Variants in ACSS2 observed in about 807,000 individuals in gnomAD.
ACSS2 encodes acetyl-coenzyme A synthetase, cytoplasmic.
ACSS2 carries 58 observed loss-of-function variants against 90.6 expected under a neutral mutation model. The observed-to-expected ratio is 0.64, with a 90% CI of 0.52 to 0.80. ACSS2 has a LOEUF of 0.80. Ranked by LOEUF, ACSS2 falls within the 30% of genes least tolerant of loss-of-function variation. ACSS2 has a pLI of 0.00. For synonymous variants in ACSS2, 300 were observed against 330.9 expected (o/e 0.91, Z 1.01); for missense variants, 759 against 912.0 (o/e 0.83, Z 2.16).
chr20:34,918,428 A>G (rs1277059048), intron 7 of ACSS2, among the ~76,000 whole-genome samples: 1 of 152,214 alleles, frequency 6.6e-6, no homozygotes, highest in South Asian at 2.1e-4. Context: ...CAGAAAAGTA[A>G]AACAGTTTCA....
intron 4 of ACSS2, 51 bp from the exon 5 acceptor site, chr20:34,913,702 C>T (rs2081014984): frequency 6.4e-7 from 1 of 1,556,878 alleles, no homozygotes; most frequent in Admixed American, 1.7e-5. Flanking sequence ...TCTTCATTCA[C>T]TCAATCCCTG....
chr20:34,890,126 A>AT (rs893190805), intron 2 of ACSS2, among the ~76,000 whole-genome samples: 2 of 152,098 alleles, frequency 1.3e-5, no homozygotes, highest in African/African-American at 4.8e-5. Context: ...TGTATTAGCT[A>AT]TTTTTTTCAT....
At chr20:34,904,925 T>C (rs1030444811) in intron 2 of ACSS2, among the ~76,000 whole-genome samples, 2 of 150,138 alleles carry the variant, frequency 1.3e-5, no homozygotes, top group Admixed American at 1.3e-4. Context: ...TTTTTTTTTT[T>C]TTGGTAGGCA....
intron 2 of ACSS2, among the ~76,000 whole-genome samples, chr20:34,897,462 A>G (rs1264268270): frequency 6.6e-6 from 1 of 152,174 alleles, no homozygotes; most frequent in Non-Finnish European, 1.5e-5. Flanking sequence ...GAATCATATA[A>G]CACGTGGCCC....
chr20:34,920,904 G>C, intron 9 of ACSS2, 102 bp from the exon 10 acceptor site: 2 of 1,554,934 alleles, frequency 1.3e-6, no homozygotes, highest in East Asian at 2.3e-5. Context: ...GTGAAGATAT[G>C]GTTGGTCAGA....
At chr20:34,908,991 TGTTA>T (rs2080880396) in intron 2 of ACSS2, 2 of 427,154 alleles carry the variant, frequency 4.7e-6, no homozygotes, top group Non-Finnish European at 9.1e-6. Flanking sequence ...AGCATTTATT[TGTTA>T]AATAAATTAC....
At chr20:34,904,870 C>T (rs1225756475) in intron 2 of ACSS2, among the ~76,000 whole-genome samples, 1 of 143,098 alleles carries the variant, frequency 7.0e-6, no homozygotes, top group Non-Finnish European at 1.5e-5. Context: ...CTAAATTTCT[C>T]ATTAATAGTT....
intron 14 of ACSS2, 33 bp from the exon 15 acceptor site, chr20:34,925,665 T>C: frequency 1.9e-6 from 3 of 1,600,492 alleles, no homozygotes; most frequent in Non-Finnish European, 2.6e-6. Context: ...TACCGTAGGG[T>C]TTTTATTTAT....
At chr20:34,925,956 G>A in intron 15 of ACSS2, 149 bp from the exon 16 acceptor site, 1 of 1,006,192 alleles carries the variant, frequency 9.9e-7, no homozygotes, top group East Asian at 2.6e-5. Context: ...GAACTTGGAT[G>A]GTGGGGTGAC....
intron 2 of ACSS2, among the ~76,000 whole-genome samples, chr20:34,900,526 G>A (rs2080631504): frequency 6.6e-6 from 1 of 152,052 alleles, no homozygotes; most frequent in Admixed American, 6.6e-5. Flanking sequence ...CCCTCAATAG[G>A]TGAGGAATCA....
At chr20:34,892,224 T>C (rs546209932) in intron 2 of ACSS2, among the ~76,000 whole-genome samples, 1 of 152,262 alleles carries the variant, frequency 6.6e-6, no homozygotes, top group South Asian at 2.1e-4. Flanking sequence ...GGTGGTCAGA[T>C]GGGAGCAGGG....
intron 7 of ACSS2, chr20:34,915,338 A>G: frequency 1.9e-6 from 3 of 1,560,658 alleles, no homozygotes; most frequent in Non-Finnish European, 2.6e-6. Flanking sequence ...TGTTTGCCCC[A>G]TTGAGGTGGC....
intron 13 of ACSS2, chr20:34,922,813 G>C (rs2081232066): frequency 6.4e-6 from 1 of 156,578 alleles, no homozygotes; most frequent in Non-Finnish European, 1.4e-5. Context: ...CAGGGACAGG[G>C]CTTACATCCA....
chr20:34,913,536 T>G (rs779997018), intron 4 of ACSS2, 40 bp downstream of exon 4: 79 of 1,473,108 alleles, frequency 5.4e-5, no homozygotes, highest in Non-Finnish European at 7.0e-5. Context: ...GGCGGGGGGG[T>G]GGGGCTCTGG....
rs549370474 is a variant in ACSS2 at position 34,878,036 on chromosome 20, C to A, written c.178+1213C>A. On this transcript the variant is annotated intron_variant, in intron 1 of 17. Transcript: ENST00000360596. ...ATAGCCTGCATCTCCTGGGCTCATG[C>A]GATCTTTCCGCTTCAGCCTCCTGGG... Among the ~76,000 whole-genome samples, 20 of 152,230 alleles carry A rather than the reference C, an allele frequency of 1.3e-4. No individual in the cohort carries two copies. In the East Asian group the frequency reaches 3.7e-3, roughly 28 times the overall value.
At chr20:34,875,963 A>G (rs994628817), upstream of ACSS2, 1 of 152,656 alleles carries the variant, frequency 6.6e-6, no homozygotes, top group Non-Finnish European at 1.5e-5. Flanking sequence ...TCGCCAGAGC[A>G]TGCCCTCAAG....
chr20:34,881,874 G>GT, intron 1 of ACSS2, among the ~76,000 whole-genome samples: 1 of 152,176 alleles, frequency 6.6e-6, no homozygotes, highest in Admixed American at 6.5e-5. Context: ...GGCACATAGT[G>GT]AATAACACTT....
At chr20:34,884,290 C>T (rs1478409993) in intron 2 of ACSS2, among the ~76,000 whole-genome samples, 2 of 152,154 alleles carry the variant, frequency 1.3e-5, no homozygotes, top group African/African-American at 4.8e-5. Context: ...ATAGGAGCAG[C>T]TTGGATGCTT....
intron 2 of ACSS2, among the ~76,000 whole-genome samples, chr20:34,899,228 G>T (rs2080563457): frequency 1.3e-5 from 2 of 152,170 alleles, no homozygotes; most frequent in Admixed American, 6.5e-5. Flanking sequence ...CTCCGGCCTT[G>T]GCCAGCCCAG....
Sources: gnomAD v4.1 joint callset for allele counts (sites outside exome capture counted in the v4.1 genomes callset) on GRCh38, gnomAD v4.1.1 for gene constraint, MANE v1.5 for transcripts, NCBI Gene and HGNC (gene_info 2026-07-23, HGNC 2026-07-21) for gene names.